Variants in ITGAV observed in about 807,000 individuals in gnomAD.
ITGAV encodes integrin alpha-V.
In ITGAV, 76 loss-of-function variants were observed where a neutral mutation model predicts 143.8. The ratio of observed to expected loss-of-function variants is 0.53; its 90% CI spans 0.44 to 0.64. The LOEUF (loss-of-function observed/expected upper bound fraction) is 0.64, where lower values mean the gene tolerates loss of function less well. Among genes scored for constraint, ITGAV ranks in the 30% least tolerant of loss-of-function variants. The pLI is 0.00. For synonymous variants in ITGAV, 453 were observed against 446.7 expected (o/e 1.01, Z -0.18); for missense variants, 1,193 against 1,274.7 (o/e 0.94, Z 0.98).
At chr2:186,658,355 T>C (rs1688646619) in intron 17 of ITGAV, among the ~76,000 whole-genome samples, 1 of 152,138 alleles carries the variant, frequency 6.6e-6, no homozygotes, top group South Asian at 2.1e-4. Context: ...TACCTATTAA[T>C]TGGTCAAGAT....
chr2:186,613,940 T>C (rs1043878835), intron 2 of ITGAV, among the ~76,000 whole-genome samples: 1 of 151,956 alleles, frequency 6.6e-6, no homozygotes, highest in African/African-American at 2.4e-5. Context: ...GGTCAGTGCT[T>C]AAAAAAAGAA....
At chr2:186,677,091 A>G in intron 29 of ITGAV, 106 bp from the exon 30 acceptor site, 1 of 1,243,288 alleles carries the variant, frequency 8.0e-7, no homozygotes, top group Non-Finnish European at 1.1e-6. Context: ...GATAAATTTT[A>G]TGAAATACAA....
In ITGAV at chr2:186,679,670, TAA is replaced by T. The variant is rs1281778058; in HGVS notation, c.*2382_*2383del. ...AAAACATGAATGAACTAGAAGATAT[TAA>T]AAACATTTGACATTGGTAAGAAATA... On this transcript the variant is annotated 3_prime_UTR_variant, in exon 30 of 30. Transcript: ENST00000261023. 2.0e-5 allele frequency: 3 copies of T among 151,998 alleles called. No individual in the cohort carries two copies. The highest frequency in any genetic ancestry group is 7.2e-5 in the African/African-American group (3 of 41,446). 9.4% of individuals were successfully genotyped at this position (151,998 alleles called of 1,614,324 possible). A position where few individuals can be genotyped will look rare whatever the true frequency, so the allele number is the denominator to read the frequency against.
intron 17 of ITGAV, among the ~76,000 whole-genome samples, chr2:186,658,067 G>A (rs1014845111): frequency 4.6e-5 from 7 of 152,060 alleles, no homozygotes; most frequent in African/African-American, 1.7e-4. Context: ...TACAATAGAT[G>A]TAAAATGACT....
intron 9 of ITGAV, 27 bp downstream of exon 9, chr2:186,638,347 A>G (rs1402615798): frequency 1.2e-6 from 2 of 1,611,498 alleles, no homozygotes; most frequent in African/African-American, 1.3e-5. Context: ...GTATTTTTTA[A>G]AAAATCTCTA....
chr2:186,590,555 C>A (rs777992365), intron 1 of ITGAV, 32 bp downstream of exon 1: 15 of 1,577,618 alleles, frequency 9.5e-6, no homozygotes, highest in Non-Finnish European at 1.1e-5. Flanking sequence ...TGGAGCCGGC[C>A]CCCTCCCCCA....
chr2:186,591,154 C>G (rs1000157550), intron 1 of ITGAV, among the ~76,000 whole-genome samples: 2 of 152,128 alleles, frequency 1.3e-5, no homozygotes, highest in African/African-American at 2.4e-5. Flanking sequence ...GTCATCTGTT[C>G]TTTTTATAGT....
chr2:186,622,470 A>G lies in ITGAV; in HGVS notation c.408+40A>G, dbSNP rs1296768874. On this transcript the variant is annotated intron_variant, in intron 3 of 29. Transcript: ENST00000261023. ...TATTTACTTACAGGTGATTTTAGTCAGTTTATGTGGAGACACAGAAGGTTT... is the reference window on the plus strand; with the variant it reads ...TATTTACTTACAGGTGATTTTAGTCGGTTTATGTGGAGACACAGAAGGTTT... 3.6e-5 allele frequency: 47 copies of G among 1,308,854 alleles called. No individual in the cohort carries two copies. In the Admixed American group the frequency reaches 7.9e-4, roughly 22 times the overall value. The allele number at this position is 1,308,854 out of a possible 1,614,324, so 81.1% of individuals were successfully genotyped here. A position where few individuals can be genotyped will look rare whatever the true frequency, so the allele number is the denominator to read the frequency against.
intron 13 of ITGAV, among the ~76,000 whole-genome samples, chr2:186,647,870 A>G (rs558223582): frequency 5.9e-5 from 9 of 152,232 alleles, no homozygotes; most frequent in Non-Finnish European, 1.2e-4. Context: ...GTCTGTTTCC[A>G]GAAATAAGAC....
In ITGAV at chr2:186,679,603, A is replaced by G. The variant is rs1689300372; in HGVS notation, c.*2311A>G. 1 of 152,008 alleles carries G rather than the reference A, an allele frequency of 6.6e-6. No individual in the cohort carries two copies. Among genetic ancestry groups the G allele is most frequent in the African/African-American group, 2.4e-5 (1 of 41,446 alleles). The allele number at this position is 152,008 out of a possible 1,614,324, so 9.4% of individuals were successfully genotyped here. A position where few individuals can be genotyped will look rare whatever the true frequency, so the allele number is the denominator to read the frequency against. On this transcript the variant is annotated 3_prime_UTR_variant, in exon 30 of 30. Coordinates refer to ENST00000261023, the MANE Select transcript of ITGAV (RefSeq NM_002210.5). ...TGTGATTTATTGAGAATAAAAATCC[A>G]TTTTGAAATGTAAAATTTTTATGAT...
At chr2:186,602,953 A>C (rs1415932498) in intron 2 of ITGAV, among the ~76,000 whole-genome samples, 2 of 151,682 alleles carry the variant, frequency 1.3e-5, no homozygotes, top group African/African-American at 4.8e-5. Context: ...ATTTATCAAG[A>C]CTTTGTTGGG....
At chr2:186,616,839 T>G (rs1687377921) in intron 2 of ITGAV, among the ~76,000 whole-genome samples, 1 of 152,156 alleles carries the variant, frequency 6.6e-6, no homozygotes, top group Admixed American at 6.5e-5. Context: ...TAATCTAAGA[T>G]ATTTCTTCCA....
chr2:186,635,225 A>T (rs1461569790), intron 6 of ITGAV, among the ~76,000 whole-genome samples: 2 of 152,236 alleles, frequency 1.3e-5, no homozygotes, highest in East Asian at 3.8e-4. Context: ...TAAGTACGTT[A>T]GAATGAATTT....
chr2:186,653,762 C>A (rs566802722), intron 15 of ITGAV, among the ~76,000 whole-genome samples: 7 of 152,262 alleles, frequency 4.6e-5, no homozygotes, highest in Non-Finnish European at 1.0e-4. Flanking sequence ...CTAACTAGAG[C>A]AGTAACATCA....
intron 14 of ITGAV, among the ~76,000 whole-genome samples, chr2:186,651,062 C>T (rs369241351): frequency 2.6e-5 from 4 of 152,202 alleles, no homozygotes; most frequent in South Asian, 4.1e-4. Context: ...TTCTATTTCC[C>T]AATTTCTTAT....
chr2:186,648,754 A>G (rs1174298054), intron 13 of ITGAV, among the ~76,000 whole-genome samples: 2 of 152,074 alleles, frequency 1.3e-5, no homozygotes, highest in Non-Finnish European at 2.9e-5. Context: ...CAACCTCCCA[A>G]AGTGCTGGGA....
chr2:186,601,895 G>T, intron 1 of ITGAV, 126 bp from the exon 2 acceptor site: 1 of 891,424 alleles, frequency 1.1e-6, no homozygotes. Context: ...TGCCCTCAGT[G>T]AATAGCAAAT....
intron 4 of ITGAV, among the ~76,000 whole-genome samples, chr2:186,626,394 A>G (rs1359189013): frequency 1.3e-5 from 2 of 152,196 alleles, no homozygotes; most frequent in African/African-American, 4.8e-5. Flanking sequence ...TCTTCCTTGT[A>G]CCAGAAGCAT....
At chr2:186,645,282 A>T (rs1688223937) in intron 12 of ITGAV, among the ~76,000 whole-genome samples, 1 of 152,182 alleles carries the variant, frequency 6.6e-6, no homozygotes, top group South Asian at 2.1e-4. Flanking sequence ...ATGACAGCTG[A>T]TCTAATGACA....
Sources: allele counts gnomAD v4.1 joint callset (sites outside exome capture counted in the v4.1 genomes callset), GRCh38; gene constraint gnomAD v4.1.1; transcripts MANE v1.5; gene names NCBI Gene and HGNC (gene_info 2026-07-23, HGNC 2026-07-21).